Variants in CAPN13 observed in about 807,000 individuals in gnomAD.
The protein encoded by CAPN13 is calpain 13, also known as calpain-13.
In CAPN13, 90 loss-of-function variants were observed where a neutral mutation model predicts 98.4. The observed-to-expected ratio is 0.92, with a 90% CI of 0.77 to 1.09. CAPN13 has a LOEUF of 1.09. Ranked by LOEUF, CAPN13 falls within the 50% of genes least tolerant of loss-of-function variation. The pLI is 0.00. For missense variants in CAPN13, 887 were observed against 841.3 expected (o/e 1.05, Z -0.67); for synonymous variants, 330 against 305.5 (o/e 1.08, Z -0.84).
At chr2:30,772,860 C>G (rs1393828280) in intron 4 of CAPN13, among the ~76,000 whole-genome samples, 1 of 151,364 alleles carries the variant, frequency 6.6e-6, no homozygotes, top group African/African-American at 2.4e-5. Flanking sequence ...CGCCCTGTTG[C>G]CAGGCTGGAG....
intron 22 of CAPN13, among the ~76,000 whole-genome samples, chr2:30,728,336 A>G (rs1444333508): frequency 6.6e-6 from 1 of 151,978 alleles, no homozygotes; most frequent in Non-Finnish European, 1.5e-5. Context: ...ATTATATCTC[A>G]ATATATTTCT....
At chr2:30,732,834 G>T (rs188637562) in intron 19 of CAPN13, among the ~76,000 whole-genome samples, 2 of 152,170 alleles carry the variant, frequency 1.3e-5, no homozygotes, top group South Asian at 2.1e-4. Flanking sequence ...TCATTCCCAC[G>T]TAATGGGAGA....
At chr2:30,741,887 C>T (rs1243539496) in intron 15 of CAPN13, 21 bp downstream of exon 15, 2 of 1,613,810 alleles carry the variant, frequency 1.2e-6, no homozygotes, top group Non-Finnish European at 8.5e-7. Context: ...ACGTAAGGCC[C>T]CTGGGTGCTA....
chr2:30,757,941 C>T (rs867315644), intron 8 of CAPN13, 105 bp downstream of exon 8: 10 of 806,130 alleles, frequency 1.2e-5, no homozygotes, highest in African/African-American at 3.6e-5. Flanking sequence ...GACAGGCCTG[C>T]AGTGAGATGC....
chr2:30,763,231 C>T (rs1672937083), intron 6 of CAPN13, 75 bp from the exon 7 acceptor site: 2 of 1,352,522 alleles, frequency 1.5e-6, no homozygotes, highest in Non-Finnish European at 1.0e-6. Context: ...ACAGTCCAAA[C>T]AGCCACTGAG....
At position 30,776,005 on chromosome 2, in the gene CAPN13, C is replaced by T; in HGVS notation, c.312G>A (p.Gln104=). The change falls in exon 4 of 23, where the codon CAG becomes CAA. Residue 104 remains glutamine, a synonymous_variant. Coordinates refer to ENST00000295055, the MANE Select transcript of CAPN13 (RefSeq NM_144575.3). ...WFLAALGSLT[Q]NPQYRQKILM... Reference sequence around the variant, plus strand: ...GGATCTTCTGCCTGTACTGTGGGTTCTGAGTCAAGGATCCCAGTGCTGCCA... The same window carrying T: ...GGATCTTCTGCCTGTACTGTGGGTTTTGAGTCAAGGATCCCAGTGCTGCCA... 1.2e-6 allele frequency: 2 copies of T among 1,613,110 alleles called. No homozygotes were observed. The highest frequency in any genetic ancestry group is 1.1e-5 in the South Asian group (1 of 90,826).
At chr2:30,780,224 C>T (rs1673917037) in intron 2 of CAPN13, among the ~76,000 whole-genome samples, 1 of 152,190 alleles carries the variant, frequency 6.6e-6, no homozygotes, top group Non-Finnish European at 1.5e-5. Context: ...AGAGAATAGA[C>T]AATTCCAGTG....
intron 8 of CAPN13, 118 bp downstream of exon 8, chr2:30,757,928 C>T: frequency 1.4e-6 from 1 of 721,856 alleles, no homozygotes; most frequent in Non-Finnish European, 2.2e-6. Flanking sequence ...TAGGTGTGAG[C>T]TGGACAGGCC....
intron 5 of CAPN13, among the ~76,000 whole-genome samples, chr2:30,768,449 T>A (rs1318278273): frequency 6.6e-6 from 1 of 152,000 alleles, no homozygotes; most frequent in Non-Finnish European, 1.5e-5. Flanking sequence ...GCGGGCCAGC[T>A]ACAGAGAGGA....
chr2:30,759,120 T>TCTCTTC (rs200948864), intron 7 of CAPN13, among the ~76,000 whole-genome samples: 1,190 of 95,852 alleles, frequency 0.012, 21 homozygotes, highest in African/African-American at 0.051. Flanking sequence ...CCTTTCTTCC[T>TCTCTTC]CTGTCTCTTC....
At position 30,754,058 on chromosome 2, in the gene CAPN13, A is replaced by G. The variant is rs79513420; in HGVS notation, c.941+232T>C. Among the ~76,000 whole-genome samples, 1,270 of 152,270 alleles carry G rather than the reference A, an allele frequency of 8.3e-3. 28 individuals carry two copies. Among genetic ancestry groups the G allele is most frequent in the African/African-American group, 0.029 (1,202 of 41,526 alleles). On this transcript the variant is annotated intron_variant, in intron 9 of 22. Transcript: ENST00000295055. ...TGCCAATGTTCTCTTTTACTATTAA[A>G]ATGTCCTGGAAAGTTCAGCATTTCA... is the stretch of plus-strand genomic sequence containing the variant.
At chr2:30,747,361 T>C (rs1671965292) in intron 11 of CAPN13, among the ~76,000 whole-genome samples, 1 of 152,188 alleles carries the variant, frequency 6.6e-6, no homozygotes, top group Admixed American at 6.5e-5. Context: ...CACCACCAGG[T>C]GATGTCTTCC....
chr2:30,758,328 A>C (rs1405204137), intron 7 of CAPN13, among the ~76,000 whole-genome samples, 191 bp from the exon 8 acceptor site: 1 of 152,240 alleles, frequency 6.6e-6, no homozygotes, highest in Non-Finnish European at 1.5e-5. Context: ...TTGGAATGAG[A>C]TAGACAAGGA....
Position 30,731,348 on chromosome 2 carries a change from A to G in CAPN13, c.1979T>C (p.Met660Thr), listed in dbSNP as rs377016735. 3.4e-5 allele frequency: 55 copies of G among 1,609,860 alleles called. 1 individual carries two copies. In the Middle Eastern group the frequency reaches 6.6e-4, roughly 19 times the overall value. Reference protein sequence around the residue: ...KDGKGLYLTEMEWMSLVMYN With the variant: ...KDGKGLYLTETEWMSLVMYN ...GGGGAGGGGAAGGTACCTCACCTCC[A>G]TTTCTGTCAGGTAGAGTCCTTTTCC... The change falls in exon 21 of 23, where the codon ATG (methionine) becomes ACG (threonine). Residue 660 changes from methionine (M) to threonine (T), a missense_variant. Coordinates refer to ENST00000295055, the MANE Select transcript of CAPN13 (RefSeq NM_144575.3).
In CAPN13 at chr2:30,751,086, G is replaced by A. The variant is rs1478630293; in HGVS notation, c.1236+17C>T. 1 of 1,612,520 alleles carries A rather than the reference G, an allele frequency of 6.2e-7. No individual in the cohort carries two copies. The highest frequency in any genetic ancestry group is 8.5e-7 in the Non-Finnish European group (1 of 1,179,284). ...CTAAATTTCTACAAGGGAAAGCCCT[G>A]AAGCAGGCTGCCTTACCAGAATCAC... On this transcript the variant is annotated intron_variant, in intron 11 of 22. Transcript: ENST00000295055.
chr2:30,731,476 C>A, intron 20 of CAPN13, 77 bp from the exon 21 acceptor site: 1 of 1,261,052 alleles, frequency 7.9e-7, no homozygotes, highest in Non-Finnish European at 1.1e-6. Flanking sequence ...AGGCCTGGGC[C>A]CATAAGAAGC....
chr2:30,738,149 T>C, intron 17 of CAPN13, 86 bp downstream of exon 17: 1 of 1,426,754 alleles, frequency 7.0e-7, no homozygotes. Flanking sequence ...GGGAAAAGGG[T>C]TCCCTACTGT....
At chr2:30,773,091 TG>T (rs1291645101) in intron 4 of CAPN13, among the ~76,000 whole-genome samples, 1 of 152,244 alleles carries the variant, frequency 6.6e-6, no homozygotes, top group Non-Finnish European at 1.5e-5. Context: ...CCCAAAGTGC[TG>T]GGATTACAGG....
At chr2:30,734,293 C>T (rs1671245205) in intron 19 of CAPN13, among the ~76,000 whole-genome samples, 156 bp downstream of exon 19, 1 of 152,110 alleles carries the variant, frequency 6.6e-6, no homozygotes, top group Non-Finnish European at 1.5e-5. Context: ...CCGTGGAGGC[C>T]CCCCAGGGTC....
Sources: gnomAD v4.1 joint callset for allele counts (sites outside exome capture counted in the v4.1 genomes callset) on GRCh38, gnomAD v4.1.1 for gene constraint, MANE v1.5 for transcripts, NCBI Gene and HGNC (gene_info 2026-07-23, HGNC 2026-07-21) for gene names.